Variants in GALNTL6 observed in about 807,000 individuals in gnomAD.
The protein encoded by GALNTL6 is polypeptide N-acetylgalactosaminyltransferase like 6.
Under a neutral mutation model 73.7 loss-of-function variants are expected in GALNTL6, and 46 were observed. The observed-to-expected ratio is 0.62, with a 90% CI of 0.49 to 0.80. The LOEUF is 0.80. Among genes scored for constraint, GALNTL6 ranks in the 30% least tolerant of loss-of-function variants. GALNTL6 has a pLI of 0.00. For synonymous variants in GALNTL6, 259 were observed against 263.7 expected (o/e 0.98, Z 0.17); for missense variants, 604 against 755.0 (o/e 0.80, Z 2.34).
Position 172,102,334 on chromosome 4 carries a change from C to T in GALNTL6, c.139-127322C>T, listed in dbSNP as rs562939850. Among the ~76,000 whole-genome samples the T allele has an allele frequency of 5.3e-5, 8 of 152,250 alleles. No individual in the cohort carries two copies. The Middle Eastern group carries it at 0.014, about 259-fold the overall frequency. The stretch of plus-strand genomic sequence containing the variant: ...TCAATGACAAATTAATGTAGCTCAA[C>T]GTGAAGAATTCAGTTGATATAACTT... On this transcript the variant is annotated intron_variant, in intron 2 of 12. Transcript: ENST00000506823.
At chr4:172,180,566 G>T (rs1411951792) in intron 2 of GALNTL6, among the ~76,000 whole-genome samples, 2 of 152,124 alleles carry the variant, frequency 1.3e-5, no homozygotes, top group Non-Finnish European at 2.9e-5. Flanking sequence ...TTCTTCTAGG[G>T]TTTTTATGGT....
chr4:171,946,920 G>A (rs961139960), intron 2 of GALNTL6, among the ~76,000 whole-genome samples: 17 of 151,446 alleles, frequency 1.1e-4, no homozygotes, highest in African/African-American at 4.1e-4. Flanking sequence ...GTTCCGGGGG[G>A]TACAAATAAA....
intron 5 of GALNTL6, among the ~76,000 whole-genome samples, chr4:172,533,315 A>ATTT (rs1408450367): frequency 4.5e-5 from 2 of 44,888 alleles, no homozygotes; most frequent in Non-Finnish European, 8.9e-5. Flanking sequence ...GCCCGGCCAG[A>ATTT]ATTTTTTTTT....
intron 10 of GALNTL6, among the ~76,000 whole-genome samples, chr4:172,992,566 A>C (rs1015388956): frequency 5.3e-5 from 8 of 152,202 alleles, no homozygotes; most frequent in Non-Finnish European, 1.0e-4. Flanking sequence ...TTATTTTAAT[A>C]ATGAGGCATC....
chr4:172,592,716 C>CTATCTATCTATCGA (rs1553963436), intron 5 of GALNTL6, among the ~76,000 whole-genome samples: 1 of 151,536 alleles, frequency 6.6e-6, no homozygotes, highest in Non-Finnish European at 1.5e-5. Context: ...ATCTATCTAT[C>CTATCTATCTATCGA]GAGAGAGACT....
intron 5 of GALNTL6, among the ~76,000 whole-genome samples, chr4:172,398,501 C>A (rs1743926635): frequency 6.6e-6 from 1 of 152,110 alleles, no homozygotes; most frequent in Admixed American, 6.6e-5. Flanking sequence ...TAGAGACCGG[C>A]ACTCTCCTTT....
intron 9 of GALNTL6, among the ~76,000 whole-genome samples, chr4:172,946,124 CGTGTGTGTGTGT>C (rs71594019): frequency 2.7e-5 from 4 of 148,432 alleles, no homozygotes; most frequent in Admixed American, 6.7e-5. Context: ...GGGGAAAAAG[CGTGTGTGTGTGT>C]GTGTGTGTGT....
intron 5 of GALNTL6, among the ~76,000 whole-genome samples, chr4:172,414,491 A>G (rs1373793019): frequency 2.6e-5 from 4 of 152,146 alleles, no homozygotes; most frequent in African/African-American, 4.8e-5. Context: ...TTCTTTCAAT[A>G]TAGAATGAAG....
Position 171,825,149 on chromosome 4 carries a change from T to G in GALNTL6, c.138+10431T>G, listed in dbSNP as rs113913923. Among the ~76,000 whole-genome samples the G allele has an allele frequency of 3.7e-4, 56 of 152,272 alleles. 1 individual carries two copies. The highest frequency in any genetic ancestry group is 1.3e-3 in the African/African-American group (53 of 41,556). On this transcript the variant is annotated intron_variant, in intron 2 of 12. Transcript: ENST00000506823. ...TGCCAAAGACAATTCTCAAAGAATGTCTTTAGGGCTGAATACTTTATTATT... is the reference window on the plus strand; with the variant it reads ...TGCCAAAGACAATTCTCAAAGAATGGCTTTAGGGCTGAATACTTTATTATT...
At chr4:171,905,004 T>C (rs1042769165) in intron 2 of GALNTL6, among the ~76,000 whole-genome samples, 1 of 151,732 alleles carries the variant, frequency 6.6e-6, no homozygotes, top group Non-Finnish European at 1.5e-5. Context: ...GCGCTAAACA[T>C]GGAAAGGAAC....
chr4:172,565,854 T>G (rs1319982502), intron 5 of GALNTL6, among the ~76,000 whole-genome samples: 2 of 152,142 alleles, frequency 1.3e-5, no homozygotes, highest in Non-Finnish European at 2.9e-5. Context: ...TTCTAGGAAT[T>G]TATCCATGTC....
intron 5 of GALNTL6, among the ~76,000 whole-genome samples, chr4:172,369,094 C>G (rs561203569): frequency 3.3e-5 from 5 of 152,284 alleles, no homozygotes; most frequent in Admixed American, 2.0e-4. Flanking sequence ...TGCCCCCCCC[C>G]ACATCCTGCT....
chr4:172,425,737 T>C (rs1274741128), intron 5 of GALNTL6, among the ~76,000 whole-genome samples: 3 of 152,036 alleles, frequency 2.0e-5, no homozygotes, highest in Non-Finnish European at 2.9e-5. Flanking sequence ...CCTTATTAAG[T>C]AGTTAATTAA....
At chr4:172,740,170 C>A (rs1239877274) in intron 5 of GALNTL6, among the ~76,000 whole-genome samples, 1 of 152,016 alleles carries the variant, frequency 6.6e-6, no homozygotes, top group Non-Finnish European at 1.5e-5. Flanking sequence ...ACTCTTCTCC[C>A]CACGTGATTT....
At chr4:172,890,068 C>CT (rs1194482530) in intron 8 of GALNTL6, among the ~76,000 whole-genome samples, 2 of 151,974 alleles carry the variant, frequency 1.3e-5, no homozygotes, top group Admixed American at 6.6e-5. Flanking sequence ...TCTCTAAGGT[C>CT]TTTTTTATGT....
At chr4:172,920,877 G>A (rs1019713571) in intron 8 of GALNTL6, among the ~76,000 whole-genome samples, 3 of 152,146 alleles carry the variant, frequency 2.0e-5, no homozygotes, top group Non-Finnish European at 4.4e-5. Context: ...ACTGTTAAAG[G>A]TGCTTAGGAT....
intron 5 of GALNTL6, among the ~76,000 whole-genome samples, chr4:172,796,121 A>G (rs748614781): frequency 1.3e-5 from 2 of 151,580 alleles, no homozygotes; most frequent in Non-Finnish European, 2.9e-5. Flanking sequence ...CCAGTTTCCT[A>G]TATTTTCCAG....
chr4:171,945,438 T>C (rs1738674563), intron 2 of GALNTL6, among the ~76,000 whole-genome samples: 1 of 152,062 alleles, frequency 6.6e-6, no homozygotes, highest in African/African-American at 2.4e-5. Flanking sequence ...AGCAATGCAG[T>C]GAAGAGTGTT....
chr4:172,396,564 T>C lies in GALNTL6; in HGVS notation c.553+47875T>C, dbSNP rs1579032845. Among the ~76,000 whole-genome samples, 4 of 152,284 alleles carry C rather than the reference T, an allele frequency of 2.6e-5. No homozygotes were observed. In the East Asian group the frequency reaches 5.8e-4, roughly 22 times the overall value. ...CATTCAGTGCCCAAACTCAGTGATA[T>C]TTTTCTCCTTACTTAAGACCAGTTC... On this transcript the variant is annotated intron_variant, in intron 5 of 12. Transcript: ENST00000506823.
Sources: gnomAD v4.1 joint callset for allele counts (sites outside exome capture counted in the v4.1 genomes callset) on GRCh38, gnomAD v4.1.1 for gene constraint, MANE v1.5 for transcripts, NCBI Gene and HGNC (gene_info 2026-07-23, HGNC 2026-07-21) for gene names.